Variants in PFKP observed in about 807,000 individuals in gnomAD.
PFKP encodes ATP-dependent 6-phosphofructokinase, platelet type.
A neutral mutation model predicts 94.3 loss-of-function variants in PFKP; 101 were observed. That is an observed-to-expected ratio of 1.07 (90% CI 0.91 to 1.26). The LOEUF is 1.26. Ranked by LOEUF, PFKP falls within the 50% of genes most tolerant of loss-of-function variation. The pLI, the probability that PFKP is intolerant of heterozygous loss-of-function variation, is 0.00. For synonymous variants in PFKP, 573 were observed against 432.6 expected (o/e 1.32, Z -4.03); for missense variants, 1,145 against 1,103.3 (o/e 1.04, Z -0.53).
At chr10:3,099,938 AGTGTGTATGTGTGGTGTGCCC>A (rs1332360563) in intron 3 of PFKP, among the ~76,000 whole-genome samples, 1 of 149,146 alleles carries the variant, frequency 6.7e-6, no homozygotes, top group Non-Finnish European at 1.5e-5. Flanking sequence ...TGTGAGTCTG[AGTGTGTATGTGTGGTGTGCCC>A]GTGTGTATGT....
At position 3,132,433 on chromosome 10, in the gene PFKP, T is replaced by C. The variant is rs552655132; in HGVS notation, c.1902T>C (p.Leu634=). 1.9e-6 allele frequency: 3 copies of C among 1,608,482 alleles called. No individual in the cohort carries two copies. Among genetic ancestry groups the C allele is most frequent in the East Asian group, 2.2e-5 (1 of 44,826 alleles). Residue 634 remains leucine, a synonymous_variant, in exon 18 of 22, where the codon CTT becomes CTC. Transcript: ENST00000381125. Reference sequence around the variant, plus strand: ...TGAAGACCACCATCCAGAGAGGCCTTGTGCTCAGGTGAGAGAGAGAGACCA... The same window carrying C: ...TGAAGACCACCATCCAGAGAGGCCTCGTGCTCAGGTGAGAGAGAGAGACCA... ...EKMKTTIQRG[L]VLRNESCSEN...
intron 1 of PFKP, chr10:3,069,377 C>T (rs1295014815): frequency 2.5e-6 from 4 of 1,588,614 alleles, no homozygotes; most frequent in Non-Finnish European, 3.4e-6. Flanking sequence ...TAAACCGGCC[C>T]GGAGATGTGC....
intron 6 of PFKP, 65 bp from the exon 7 acceptor site, chr10:3,105,324 GGGGT>G: frequency 9.4e-6 from 13 of 1,384,354 alleles, no homozygotes; most frequent in Non-Finnish European, 1.3e-5. Flanking sequence ...GTCGCTGAGC[GGGGT>G]GCCTGGGCTG....
intron 2 of PFKP, among the ~76,000 whole-genome samples, chr10:3,084,458 T>G (rs1376378028): frequency 6.6e-6 from 1 of 152,238 alleles, no homozygotes; most frequent in African/African-American, 2.4e-5. Flanking sequence ...CATTGTTGTT[T>G]GCTTTTATTC....
chr10:3,117,832 C>A (rs1472361955), intron 14 of PFKP, among the ~76,000 whole-genome samples: 1 of 152,210 alleles, frequency 6.6e-6, no homozygotes, highest in Non-Finnish European at 1.5e-5. Context: ...TGGGCTCGTC[C>A]TGAAGAGGCT....
At chr10:3,128,104 C>CGGAT (rs1254470167) in intron 16 of PFKP, among the ~76,000 whole-genome samples, 3 of 152,066 alleles carry the variant, frequency 2.0e-5, no homozygotes, top group African/African-American at 7.2e-5. Flanking sequence ...CCAGGACGGA[C>CGGAT]GGACGGCTGG....
At chr10:3,099,138 A>AC in intron 2 of PFKP, 137 bp from the exon 3 acceptor site, 1 of 693,992 alleles carries the variant, frequency 1.4e-6, no homozygotes, top group East Asian at 2.7e-5. Flanking sequence ...CAGTGCTGGA[A>AC]CTGCCCTGTC....
chr10:3,082,294 G>C, intron 1 of PFKP, 94 bp from the exon 2 acceptor site: 1 of 791,576 alleles, frequency 1.3e-6, no homozygotes, highest in Non-Finnish European at 2.1e-6. Context: ...GGCATTGAGA[G>C]GTTAGGAAAC....
At chr10:3,136,303 A>G (rs990808384) in intron 21 of PFKP, 147 bp from the exon 22 acceptor site, 2 of 702,380 alleles carry the variant, frequency 2.8e-6, no homozygotes, top group Non-Finnish European at 4.8e-6. Flanking sequence ...GTTTCATTTG[A>G]TCCTGAAATT....
At chr10:3,105,356 C>T in intron 6 of PFKP, 37 bp from the exon 7 acceptor site, 1 of 1,546,614 alleles carries the variant, frequency 6.5e-7, no homozygotes, top group Non-Finnish European at 8.9e-7. Context: ...GGGAAGGATC[C>T]TTCTGGGGTG....
At chr10:3,110,909 CATGTTTGT>C (rs1836153962) in intron 10 of PFKP, among the ~76,000 whole-genome samples, 3 of 149,204 alleles carry the variant, frequency 2.0e-5, no homozygotes, top group African/African-American at 7.5e-5. Flanking sequence ...TGTGTGCATG[CATGTTTGT>C]ACGTGTGTGC....
At chr10:3,123,247 G>A (rs1837604343) in intron 16 of PFKP, among the ~76,000 whole-genome samples, 1 of 152,200 alleles carries the variant, frequency 6.6e-6, no homozygotes, top group South Asian at 2.1e-4. Flanking sequence ...AGCTCGATAA[G>A]GTCACATCAG....
chr10:3,133,365 T>C (rs1564359750), intron 19 of PFKP, 51 bp downstream of exon 19: 2 of 1,144,596 alleles, frequency 1.7e-6, no homozygotes, highest in East Asian at 4.7e-5. Flanking sequence ...ATGTGACTTT[T>C]AAAAGATTAG....
intron 14 of PFKP, among the ~76,000 whole-genome samples, chr10:3,118,508 T>A (rs529646867): frequency 6.6e-6 from 1 of 152,222 alleles, no homozygotes; most frequent in South Asian, 2.1e-4. Context: ...CTTAATTTTA[T>A]TTTTTCTAAT....
Position 3,120,045 on chromosome 10 carries a change from G to GT in PFKP, c.1683+2dup. Reference sequence around the variant, plus strand: ...CACCGCCCTGAACACTATCACCGACGTAAGTCCGTGTGCGCCCTGCCAGGC... The same window carrying GT: ...CACCGCCCTGAACACTATCACCGACGTTAAGTCCGTGTGCGCCCTGCCAGGC... On this transcript the variant is annotated splice_donor_variant, in intron 16 of 21. Coordinates refer to ENST00000381125, the MANE Select transcript of PFKP (RefSeq NM_002627.5). LOFTEE classifies it high-confidence loss of function. The GT allele has an allele frequency of 1.2e-6, 2 of 1,613,352 alleles. No homozygotes were observed. Among genetic ancestry groups the GT allele is most frequent in the Non-Finnish European group, 1.7e-6 (2 of 1,179,530 alleles).
At chr10:3,106,417 G>A (rs1039330720) in intron 7 of PFKP, among the ~76,000 whole-genome samples, 1 of 143,068 alleles carries the variant, frequency 7.0e-6, no homozygotes, top group African/African-American at 2.6e-5. Flanking sequence ...TGGCGTGCAC[G>A]GGGCGCCTGT....
rs1362566834 is a variant in PFKP at position 3,107,304 on chromosome 10, A to C, written c.865A>C (p.Lys289Gln). 1 of 1,586,238 alleles carries C rather than the reference A, an allele frequency of 6.3e-7. No individual in the cohort carries two copies. Among genetic ancestry groups the C allele is most frequent in the Non-Finnish European group, 8.7e-7 (1 of 1,155,198 alleles). The change falls in exon 8 of 22, where the codon AAA (lysine) becomes CAA (glutamine). Residue 289 changes from lysine (K) to glutamine (Q), a missense_variant. Physicochemically the swap from Lys to Gln is moderately conservative, Grantham distance 53. Transcript: ENST00000381125. Reference sequence around the variant, plus strand: ...TAAACCCATCACCTCTGAGAAAATCAAAGAGGTGAGTGTGTGTAGCTGCTC... The same window carrying C: ...TAAACCCATCACCTCTGAGAAAATCCAAGAGGTGAGTGTGTGTAGCTGCTC... Reference protein sequence around the residue: ...QNKPITSEKIKELVVTQLGYD... With the variant: ...QNKPITSEKIQELVVTQLGYD...
Position 3,132,437 on chromosome 10 carries a change from C to A in PFKP, c.1906C>A (p.Leu636Ile). Residue 636 changes from leucine to isoleucine, a missense_variant, in exon 18 of 22, where the codon CTC (leucine) becomes ATC (isoleucine). This residue lies in a region of PFKP where 1,119 missense variants were observed against 1,062.8 expected (regional missense o/e 1.05). Transcript: ENST00000381125. ...MKTTIQRGLV[L>I]RNESCSENYT... ...GACCACCATCCAGAGAGGCCTTGTG[C>A]TCAGGTGAGAGAGAGAGACCAGGGG... 1 of 1,607,222 alleles carries A rather than the reference C, an allele frequency of 6.2e-7. No homozygotes were observed. The highest frequency in any genetic ancestry group is 8.5e-7 in the Non-Finnish European group (1 of 1,173,770).
intron 2 of PFKP, among the ~76,000 whole-genome samples, chr10:3,084,055 G>GT (rs1833294419): frequency 1.3e-5 from 2 of 152,218 alleles, no homozygotes; most frequent in Admixed American, 6.5e-5. Flanking sequence ...CTTTCTCCCC[G>GT]TTTTTTAAGC....
Sources: allele counts gnomAD v4.1 joint callset (sites outside exome capture counted in the v4.1 genomes callset), GRCh38; gene constraint gnomAD v4.1.1; regional missense constraint gnomAD v4.1.1; transcripts MANE v1.5; gene names NCBI Gene and HGNC (gene_info 2026-07-23, HGNC 2026-07-21).